Variants in CDH23 observed in about 807,000 individuals in gnomAD.
CDH23 encodes cadherin related 23, also known as cadherin-23.
Under a neutral mutation model 317.1 loss-of-function variants are expected in CDH23, and 189 were observed. The observed-to-expected ratio is 0.60, with a 90% CI of 0.53 to 0.67. The LOEUF is 0.67. Ranked by LOEUF, CDH23 falls within the 30% of genes least tolerant of loss-of-function variation. The pLI, the probability that CDH23 is intolerant of heterozygous loss-of-function variation, is 0.00. For synonymous variants in CDH23, 1,839 were observed against 1,876.8 expected (o/e 0.98, Z 0.52); for missense variants, 4,401 against 4,592.4 (o/e 0.96, Z 1.20).
chr10:71,414,145 C>CT (rs1199781676), intron 1 of CDH23, among the ~76,000 whole-genome samples: 1 of 150,920 alleles, frequency 6.6e-6, no homozygotes, highest in African/African-American at 2.4e-5. Flanking sequence ...AATTTTACTT[C>CT]TTCCTTTCCA....
At chr10:71,506,993 C>G (rs983119117) in intron 3 of CDH23, among the ~76,000 whole-genome samples, 1 of 152,210 alleles carries the variant, frequency 6.6e-6, no homozygotes, top group Non-Finnish European at 1.5e-5. Context: ...TTGGGAGGAC[C>G]TGAGCGTCAA....
intron 9 of CDH23, among the ~76,000 whole-genome samples, chr10:71,610,203 G>A (rs1372816064): frequency 1.3e-5 from 2 of 152,144 alleles, no homozygotes; most frequent in African/African-American, 4.8e-5. Context: ...AAGGTTCACT[G>A]TGTTGGCCAT....
At position 71,709,122 on chromosome 10, in the gene CDH23, G is replaced by A. The variant is rs1337257146; in HGVS notation, c.3131G>A (p.Ser1044Asn). 1.2e-6 allele frequency: 2 copies of A among 1,613,832 alleles called. No homozygotes were observed. Among genetic ancestry groups the A allele is most frequent in the Non-Finnish European group, 1.7e-6 (2 of 1,179,910 alleles). The change falls in exon 27 of 70, where the codon AGC becomes AAC. Residue 1044 changes from serine to asparagine, a missense_variant. Physicochemically the swap from Ser to Asn is conservative, Grantham distance 46. Around this residue, in one of 3 missense-constraint regions of CDH23, gnomAD observed 3,068 missense variants for 3,203.3 expected, o/e 0.96. Coordinates refer to ENST00000224721, the MANE Select transcript of CDH23 (RefSeq NM_022124.6). ...GGTGGCAACGTGGATGGGAAGTTCA[G>A]CGTGGGTTACCGCGATGCCGTTGTG... Reference protein sequence around the residue: ...ITGGNVDGKFSVGYRDAVVRT... With the variant: ...ITGGNVDGKFNVGYRDAVVRT...
In CDH23 at chr10:71,535,377, C is replaced by T. The variant is rs140055155; in HGVS notation, c.429+24165C>T. Reference sequence around the variant, plus strand: ...CCCTCCTGCCTTTCCCAGCCCGTTCCGGTGGTGAGGAGTCTTCGGAACCAT... The same window carrying T: ...CCCTCCTGCCTTTCCCAGCCCGTTCTGGTGGTGAGGAGTCTTCGGAACCAT... On this transcript the variant is annotated intron_variant, in intron 6 of 69. Coordinates refer to ENST00000224721, the MANE Select transcript of CDH23 (RefSeq NM_022124.6). Among the ~76,000 whole-genome samples the T allele has an allele frequency of 5.3e-3, 804 of 152,306 alleles. 9 individuals are homozygous for T. The highest frequency in any genetic ancestry group is 0.018 in the African/African-American group (765 of 41,538).
intron 3 of CDH23, among the ~76,000 whole-genome samples, chr10:71,477,806 T>G (rs989235340): frequency 6.6e-6 from 1 of 152,182 alleles, no homozygotes; most frequent in African/African-American, 2.4e-5. Flanking sequence ...TTTCTACTTG[T>G]GAAATGTCGC....
intron 38 of CDH23, among the ~76,000 whole-genome samples, chr10:71,754,030 C>T (rs545057934): frequency 2.6e-5 from 4 of 152,358 alleles, no homozygotes; most frequent in Admixed American, 1.3e-4. Context: ...CTCCAGCAAA[C>T]TGCCGTCCTC....
At chr10:71,799,309 A>C in intron 51 of CDH23, 29 bp downstream of exon 51, 2 of 1,613,900 alleles carry the variant, frequency 1.2e-6, no homozygotes, top group Non-Finnish European at 1.7e-6. Flanking sequence ...GGCTGGGTCC[A>C]GGACCTGCGC....
chr10:71,808,082 G>C, intron 60 of CDH23, 75 bp downstream of exon 60: 1 of 1,530,342 alleles, frequency 6.5e-7, no homozygotes, highest in South Asian at 1.2e-5. Context: ...TCTGGGGGGA[G>C]ATGGGGTCTG....
intron 9 of CDH23, among the ~76,000 whole-genome samples, chr10:71,596,857 G>A (rs1859883327): frequency 6.6e-6 from 1 of 152,136 alleles, no homozygotes; most frequent in Non-Finnish European, 1.5e-5. Context: ...AATGCCCCTT[G>A]CCCAGCCCGC....
At chr10:71,596,229 A>G (rs542256589) in intron 9 of CDH23, among the ~76,000 whole-genome samples, 1 of 152,280 alleles carries the variant, frequency 6.6e-6, no homozygotes, top group South Asian at 2.1e-4. Context: ...CAAGGATGTC[A>G]TGCAAGGCCC....
intron 1 of CDH23, among the ~76,000 whole-genome samples, chr10:71,413,420 C>G (rs1473414177): frequency 6.6e-6 from 1 of 152,104 alleles, no homozygotes; most frequent in Non-Finnish European, 1.5e-5. Flanking sequence ...AGTACTCCAA[C>G]TTTGTTCTTT....
Position 71,760,306 on chromosome 10 carries a change from T to C in CDH23, c.4846-17374T>C, listed in dbSNP as rs571580947. On this transcript the variant is annotated intron_variant, in intron 38 of 69. Transcript: ENST00000224721. ...GTATATATGTGTATATATATGTATA[T>C]ACACACACATATATATATATATATA... is the stretch of plus-strand genomic sequence containing the variant. Among the ~76,000 whole-genome samples the C allele has an allele frequency of 4.6e-5, 4 of 86,496 alleles. 1 individual carries two copies. The highest frequency in any genetic ancestry group is 2.3e-4 in the East Asian group (1 of 4,296). The allele number at this position is 86,496 out of a possible 152,430, so 56.7% of individuals were successfully genotyped here.
rs2132929796 is a variant in CDH23 at position 71,779,382 on chromosome 10, C to T, written c.5303C>T (p.Ala1768Val). 6.2e-7 allele frequency: 1 copy of T among 1,613,808 alleles called. No homozygotes were observed. Among genetic ancestry groups the T allele is most frequent in the Non-Finnish European group, 8.5e-7 (1 of 1,179,790 alleles). Reference sequence around the variant, plus strand: ...GGGCCCAGAGTGTGGACCTTCCTGGCCCATGACCGAGACTCAGGACCCAAC... The same window carrying T: ...GGGCCCAGAGTGTGGACCTTCCTGGTCCATGACCGAGACTCAGGACCCAAC... The part of the protein sequence containing the change: ...QPGPRVWTFL[A>V]HDRDSGPNGQ... The change falls in exon 41 of 70, where the codon GCC (alanine) becomes GTC (valine). Residue 1768 changes from alanine (A) to valine (V), a missense_variant. By Grantham distance (64) the Ala-to-Val change is moderately conservative (BLOSUM62 0). Transcript: ENST00000224721.
chr10:71,613,296 C>T (rs114539084), intron 9 of CDH23, among the ~76,000 whole-genome samples: 49 of 152,336 alleles, frequency 3.2e-4, no homozygotes, highest in African/African-American at 1.1e-3. Flanking sequence ...TCCTGTCCCC[C>T]CAACTCCCCA....
intron 6 of CDH23, among the ~76,000 whole-genome samples, chr10:71,532,700 C>CTTTTTTTTTTTTTTTTTTTTTT (rs1855446648): frequency 7.6e-6 from 1 of 131,548 alleles, no homozygotes; most frequent in African/African-American, 2.7e-5. Context: ...GGCAAGTTTT[C>CTTTTTTTTTTTTTTTTTTTTTT]TTTTGTTTTT....
Position 71,732,335 on chromosome 10 carries a change from G to T in CDH23, c.4064G>T (p.Ser1355Ile), listed in dbSNP as rs2132826166. Residue 1355 changes from serine (S) to isoleucine (I), a missense_variant, in exon 32 of 70, where the codon AGC becomes ATC. This residue lies in a region of CDH23 where 3,068 missense variants were observed against 3,203.3 expected (regional missense o/e 0.96). Coordinates refer to ENST00000224721, the MANE Select transcript of CDH23 (RefSeq NM_022124.6). ...QITYRFNAYT[S>I]TQAKALFKID... is the part of the protein sequence containing the mutation. ...ACGTACCGCTTCAACGCCTACACCA[G>T]CACCCAGGCCAAAGCCCTCTTCAAG... is the stretch of plus-strand genomic sequence containing the variant. 6.3e-7 allele frequency: 1 copy of T among 1,586,458 alleles called. No homozygotes were observed. The highest frequency in any genetic ancestry group is 8.6e-7 in the Non-Finnish European group (1 of 1,166,080).
chr10:71,581,516 G>C (rs1858633120), intron 9 of CDH23, among the ~76,000 whole-genome samples: 1 of 152,224 alleles, frequency 6.6e-6, no homozygotes, highest in South Asian at 2.1e-4. Context: ...CAGCCCCGCA[G>C]CTGTGGGGAT....
At chr10:71,805,699 T>C in intron 55 of CDH23, 107 bp from the exon 56 acceptor site, 4 of 1,162,998 alleles carry the variant, frequency 3.4e-6, no homozygotes, top group African/African-American at 1.5e-5. Context: ...CTGTAAGCTG[T>C]TGAGGACATT....
At chr10:71,524,614 C>G (rs537774147) in intron 6 of CDH23, among the ~76,000 whole-genome samples, 1 of 152,168 alleles carries the variant, frequency 6.6e-6, no homozygotes, top group Non-Finnish European at 1.5e-5. Context: ...GAACCTGTGA[C>G]TGTGTGACCC....
Sources: gnomAD v4.1 joint callset for allele counts (sites outside exome capture counted in the v4.1 genomes callset) on GRCh38, gnomAD v4.1.1 for gene constraint, gnomAD v4.1.1 regional missense constraint, MANE v1.5 for transcripts, NCBI Gene and HGNC (gene_info 2026-07-23, HGNC 2026-07-21) for gene names.